The following ADAMTS19 variants were observed in gnomAD, a reference collection of about 807,000 sequenced individuals.
ADAMTS19 encodes ADAM metallopeptidase with thrombospondin type 1 motif 19.
In ADAMTS19, 93 loss-of-function variants were observed where a neutral mutation model predicts 153.3. The ratio of observed to expected loss-of-function variants is 0.61; its 90% CI spans 0.51 to 0.72. The LOEUF (loss-of-function observed/expected upper bound fraction) is 0.72. ADAMTS19 is among the 30% of genes least tolerant of loss of function. The probability of loss-of-function intolerance (pLI) is 0.00; values close to 1 mark genes in which losing one functional copy is unlikely to be tolerated. For synonymous variants in ADAMTS19, 600 were observed against 556.6 expected (o/e 1.08, Z -1.10); for missense variants, 1,482 against 1,552.1 (o/e 0.95, Z 0.76).
At chr5:129,542,205 A>G (rs1321728988) in intron 6 of ADAMTS19, among the ~76,000 whole-genome samples, 2 of 152,300 alleles carry the variant, frequency 1.3e-5, no homozygotes, top group African/African-American at 2.4e-5. Context: ...AGCTCTAGGC[A>G]TCTCATCTAC....
Position 129,720,958 on chromosome 5 carries a change from G to T in ADAMTS19, c.3313-13974G>T, listed in dbSNP as rs934632730. ...ATTCATGAATTTTCAGTGACAGAAA[G>T]ATAATTTTATACTTTACAAAAGTAG... On this transcript the variant is annotated intron_variant, in intron 21 of 22. Transcript: ENST00000274487. 3.3e-5 allele frequency among the ~76,000 whole-genome samples: 5 copies of T among 152,140 alleles called. No homozygotes were observed. The East Asian group carries it at 7.7e-4, about 23-fold the overall frequency.
chr5:129,574,874 C>T (rs993994678), intron 7 of ADAMTS19, among the ~76,000 whole-genome samples: 1 of 148,674 alleles, frequency 6.7e-6, no homozygotes, highest in African/African-American at 2.5e-5. Flanking sequence ...AAAAAATTAA[C>T]GTGTTTATTT....
chr5:129,472,605 C>G (rs188269595), intron 2 of ADAMTS19, among the ~76,000 whole-genome samples: 4 of 152,184 alleles, frequency 2.6e-5, no homozygotes, highest in Non-Finnish European at 4.4e-5. Context: ...TGTTTTCCCA[C>G]TCTTCAAATA....
At chr5:129,636,790 G>T (rs1752552188) in intron 10 of ADAMTS19, among the ~76,000 whole-genome samples, 1 of 152,202 alleles carries the variant, frequency 6.6e-6, no homozygotes, top group African/African-American at 2.4e-5. Flanking sequence ...GTTACATTAT[G>T]TAGTCAATGT....
intron 6 of ADAMTS19, among the ~76,000 whole-genome samples, chr5:129,540,427 C>G (rs7718854): frequency 0.21 from 31,980 of 151,882 alleles, 4,304 homozygotes; most frequent in African/African-American, 0.37. Flanking sequence ...TCTATGATTT[C>G]TTAGTGCAAT....
chr5:129,466,146 G>A (rs1054232196), intron 2 of ADAMTS19, among the ~76,000 whole-genome samples: 1 of 152,114 alleles, frequency 6.6e-6, no homozygotes, highest in Non-Finnish European at 1.5e-5. Context: ...CCAGGCCTGT[G>A]GGTGACACCC....
rs77491916 is a variant in ADAMTS19, at chr5:129,552,900, T to C, written c.1372+993T>C. Among the ~76,000 whole-genome samples, 657 of 152,134 alleles carry C rather than the reference T, an allele frequency of 4.3e-3. 4 individuals are homozygous for C. The highest frequency in any genetic ancestry group is 0.026 in the East Asian group (133 of 5,170). On this transcript the variant is annotated intron_variant, in intron 7 of 22. Transcript: ENST00000274487. ...AGTAGTTATAATAATGTAAAGTGGA[T>C]GATGATGGAATCAAGGGAATATTTG... is the stretch of plus-strand genomic sequence containing the variant.
rs547353037 is a variant in ADAMTS19 at position 129,709,152 on chromosome 5, A to G, written c.3312+4761A>G. ...TTTTTTCCTAATGAATAAGCAAAAT[A>G]TACTTATCTAGATACCTGCTTTCTA... On this transcript the variant is annotated intron_variant, in intron 21 of 22. Transcript: ENST00000274487. 2.0e-3 allele frequency among the ~76,000 whole-genome samples: 312 copies of G among 152,282 alleles called. 2 individuals carry two copies. Among genetic ancestry groups the G allele is most frequent in the African/African-American group, 7.3e-3 (302 of 41,578 alleles).
intron 14 of ADAMTS19, 79 bp downstream of exon 14, chr5:129,654,512 G>T: frequency 6.8e-7 from 1 of 1,471,566 alleles, no homozygotes; most frequent in Non-Finnish European, 9.2e-7. Context: ...ACAGCATGGT[G>T]GAAAGCTTTG....
chr5:129,461,378 T>C lies in ADAMTS19; in HGVS notation c.368T>C (p.Leu123Pro). 1 of 1,347,502 alleles carries C rather than the reference T, an allele frequency of 7.4e-7. No individual in the cohort carries two copies. The highest frequency in any genetic ancestry group is 1.5e-5 in the African/African-American group (1 of 64,918). 83.5% of individuals were successfully genotyped at this position (1,347,502 alleles called of 1,614,324 possible). A position where few individuals can be genotyped will look rare whatever the true frequency, so the allele number is the denominator to read the frequency against. ...PPSEGEEDEE[L>P]ESQELPRGSS... ...TCGGAGGGTGAGGAGGACGAGGAGC[T>C]CGAGTCGCAGGAGCTGCCGCGGGGA... Residue 123 changes from leucine to proline, a missense_variant, in exon 2 of 23, where the codon CTC (leucine) becomes CCC (proline). By Grantham distance (98) the Leu-to-Pro change is moderately conservative. Transcript: ENST00000274487. The surrounding 1 kb of genome is among the most constrained non-coding windows in gnomAD (Gnocchi z 4.6).
At chr5:129,688,721 T>C (rs908314376) in intron 18 of ADAMTS19, among the ~76,000 whole-genome samples, 1 of 152,208 alleles carries the variant, frequency 6.6e-6, no homozygotes, top group African/African-American at 2.4e-5. Flanking sequence ...TTGAGTCTAA[T>C]GATAATTCTA....
chr5:129,588,356 T>C (rs1749924336), intron 7 of ADAMTS19, among the ~76,000 whole-genome samples: 1 of 152,082 alleles, frequency 6.6e-6, no homozygotes, highest in African/African-American at 2.4e-5. Context: ...TAAGTGTTGT[T>C]TGGTGGCATT....
chr5:129,627,288 A>G (rs1023759131), intron 10 of ADAMTS19, among the ~76,000 whole-genome samples: 1 of 152,102 alleles, frequency 6.6e-6, no homozygotes, highest in African/African-American at 2.4e-5. Context: ...GTAGGAATAG[A>G]ACCAAAGCAA....
At position 129,461,484 on chromosome 5, in the gene ADAMTS19, GC is replaced by G. The variant is rs1487147945; in HGVS notation, c.479del (p.Pro160ArgfsTer90). ...CTCCCCCGCAGCCGCCCCCGTCCCC[GC>G]CCCCGGCCCAGCATGCCGAGCCGGA... is the stretch of plus-strand genomic sequence containing the variant. ...PPPPQPPPSP[P>X]PAQHAEPDGD... On this transcript the variant is annotated frameshift_variant, in exon 2 of 23. Transcript: ENST00000274487. LOFTEE classifies it high-confidence loss of function. The surrounding 1 kb of genome is among the most constrained non-coding windows in gnomAD (Gnocchi z 4.6). 2.0e-6 allele frequency: 3 copies of G among 1,478,106 alleles called. No individual in the cohort carries two copies. The highest frequency in any genetic ancestry group is 2.9e-5 in the African/African-American group (2 of 68,324). 91.6% of individuals were successfully genotyped at this position (1,478,106 alleles called of 1,614,324 possible). A position where few individuals can be genotyped will look rare whatever the true frequency, so the allele number is the denominator to read the frequency against.
At chr5:129,567,208 G>T (rs916420278) in intron 7 of ADAMTS19, among the ~76,000 whole-genome samples, 1 of 152,084 alleles carries the variant, frequency 6.6e-6, no homozygotes. Flanking sequence ...GGAACTTATA[G>T]CATGAACCAA....
Position 129,658,679 on chromosome 5 carries a change from T to C in ADAMTS19, c.2367T>C (p.Asn789=). Residue 789 remains asparagine, a synonymous_variant, in exon 15 of 23, where the codon AAT becomes AAC. Transcript: ENST00000274487. ...GAGAAGATCATTGTGGTGTATGCAA[T>C]GGCAATGGAAAATCATGCAAGATCA... ...LAREDHCGVC[N]GNGKSCKIIK... 6.2e-7 allele frequency: 1 copy of C among 1,613,330 alleles called. No homozygotes were observed. Among genetic ancestry groups the C allele is most frequent in the Non-Finnish European group, 8.5e-7 (1 of 1,179,576 alleles).
intron 4 of ADAMTS19, 116 bp from the exon 5 acceptor site, chr5:129,527,632 T>TAA (rs1475340326): frequency 4.9e-5 from 11 of 225,788 alleles, no homozygotes; most frequent in East Asian, 1.0e-4. Flanking sequence ...TTTTTTTTTT[T>TAA]TAAAAAAAAA....
chr5:129,630,436 T>C (rs1156421279), intron 10 of ADAMTS19, among the ~76,000 whole-genome samples: 1 of 152,068 alleles, frequency 6.6e-6, no homozygotes, highest in Non-Finnish European at 1.5e-5. Context: ...TGGAACACCA[T>C]AGAGAGTCCA....
chr5:129,619,342 C>A (rs1178806404), intron 8 of ADAMTS19, among the ~76,000 whole-genome samples: 1 of 152,000 alleles, frequency 6.6e-6, no homozygotes, highest in East Asian at 1.9e-4. Flanking sequence ...ATATTATAAT[C>A]ATTTCTACCA....
Sources: gnomAD v4.1 joint callset for allele counts (sites outside exome capture counted in the v4.1 genomes callset) on GRCh38, gnomAD v4.1.1 for gene constraint, Gnocchi (gnomAD v3.1) non-coding constraint, MANE v1.5 for transcripts, NCBI Gene and HGNC (gene_info 2026-07-23, HGNC 2026-07-21) for gene names.